The following EIF2AK4 variants were observed in gnomAD, a reference collection of about 807,000 sequenced individuals.
The protein encoded by EIF2AK4 is eIF-2-alpha kinase GCN2.
A neutral mutation model predicts 211.1 loss-of-function variants in EIF2AK4; 139 were observed. That is an observed-to-expected ratio of 0.66 (90% CI 0.57 to 0.76). EIF2AK4 has a LOEUF of 0.76. Among genes scored for constraint, EIF2AK4 ranks in the 30% least tolerant of loss-of-function variants. The pLI, the probability that EIF2AK4 is intolerant of heterozygous loss-of-function variation, is 0.00. For missense variants in EIF2AK4, 1,664 were observed against 2,043.8 expected, an observed-to-expected ratio of 0.81 and a Z score of 3.58; for synonymous variants, 710 against 751.3, an observed-to-expected ratio of 0.94 and a Z score of 0.90.
At chr15:40,000,928 G>C in intron 20 of EIF2AK4, 60 bp from the exon 21 acceptor site, 1 of 1,547,672 alleles carries the variant, frequency 6.5e-7, no homozygotes, top group Non-Finnish European at 8.9e-7. Flanking sequence ...GACTTGTCCG[G>C]AGAATAGCTG....
intron 3 of EIF2AK4, among the ~76,000 whole-genome samples, chr15:39,945,083 T>A (rs1454168676): frequency 6.6e-6 from 1 of 152,214 alleles, no homozygotes; most frequent in Non-Finnish European, 1.5e-5. Context: ...GTGAAGTTAT[T>A]TGGAAAATTC....
At chr15:39,981,956 C>T (rs1279491548) in intron 13 of EIF2AK4, among the ~76,000 whole-genome samples, 1 of 133,638 alleles carries the variant, frequency 7.5e-6, no homozygotes, top group African/African-American at 2.8e-5. Context: ...GACAGAGTCT[C>T]ACTCATCGCC....
chr15:39,976,832 C>T lies in EIF2AK4; in HGVS notation c.2237C>T (p.Ser746Phe). 1 of 1,522,294 alleles carries T rather than the reference C, an allele frequency of 6.6e-7. No homozygotes were observed. The highest frequency in any genetic ancestry group is 8.8e-7 in the Non-Finnish European group (1 of 1,136,668). The allele number at this position is 1,522,294 out of a possible 1,614,324, so 94.3% of individuals were successfully genotyped here. Residue 746 changes from serine (S) to phenylalanine (F), a missense_variant, in exon 12 of 39, where the codon TCC (serine) becomes TTC (phenylalanine). Ser to Phe is a radical substitution (Grantham distance 155). Transcript: ENST00000263791. ...DDEDEHGGVF[S>F]QSFLPASDSE... ...GAGGACGAGCACGGTGGCGTCTTCT[C>T]CCAGTCCTTCCTGTAAGCGCACGGC...
intron 12 of EIF2AK4, chr15:39,977,757 T>G (rs2034721360): frequency 5.6e-6 from 1 of 180,078 alleles, no homozygotes; most frequent in Non-Finnish European, 1.2e-5. Flanking sequence ...TGATCCTAAA[T>G]TTTATGCTTC....
At position 39,976,746 on chromosome 15, in the gene EIF2AK4, C is replaced by T. The variant is rs1015753218; in HGVS notation, c.2151C>T (p.Arg717=). The T allele has an allele frequency of 1.9e-6, 3 of 1,600,000 alleles. No individual in the cohort carries two copies. The African/African-American group carries it at 4.1e-5, about 22-fold the overall frequency. ...SSVEWSTSGE[R]SASARFPATG... is the part of the protein sequence containing the mutation. Reference sequence around the variant, plus strand: ...TGGAGTGGAGCACTTCGGGCGAGCGCTCGGCCAGTGCCCGTTTCCCCGCCA... The same window carrying T: ...TGGAGTGGAGCACTTCGGGCGAGCGTTCGGCCAGTGCCCGTTTCCCCGCCA... The change falls in exon 12 of 39, where the codon CGC becomes CGT. Residue 717 remains arginine, a synonymous_variant. Coordinates refer to ENST00000263791, the MANE Select transcript of EIF2AK4 (RefSeq NM_001013703.4).
chr15:40,013,484 C>A (rs1333639686), intron 27 of EIF2AK4, among the ~76,000 whole-genome samples: 1 of 152,064 alleles, frequency 6.6e-6, no homozygotes, highest in East Asian at 1.9e-4. Flanking sequence ...GGAGGCCTCA[C>A]AATCATGGCA....
At chr15:39,958,009 C>A (rs749775741) in intron 6 of EIF2AK4, among the ~76,000 whole-genome samples, 1 of 152,208 alleles carries the variant, frequency 6.6e-6, no homozygotes, top group African/African-American at 2.4e-5. Flanking sequence ...TGTTGAAGAA[C>A]TTTATTTTCT....
intron 29 of EIF2AK4, 122 bp from the exon 30 acceptor site, chr15:40,018,967 ATTTC>A: frequency 1.4e-6 from 1 of 707,672 alleles, no homozygotes; most frequent in East Asian, 2.8e-5. Flanking sequence ...ACACACACAC[ATTTC>A]TTTTTGTTGA....
intron 4 of EIF2AK4, among the ~76,000 whole-genome samples, chr15:39,953,116 G>C (rs889243093): frequency 6.6e-6 from 1 of 152,156 alleles, no homozygotes; most frequent in Admixed American, 6.5e-5. Context: ...AAAGTGCTGG[G>C]ATTACAGGCA....
intron 32 of EIF2AK4, among the ~76,000 whole-genome samples, chr15:40,023,208 C>CAT (rs1052567532): frequency 3.9e-5 from 6 of 152,182 alleles, no homozygotes; most frequent in Admixed American, 3.9e-4. Context: ...TGCTGATAGG[C>CAT]ATATCCTCTC....
intron 26 of EIF2AK4, among the ~76,000 whole-genome samples, chr15:40,010,186 C>T (rs889402581): frequency 6.6e-6 from 1 of 152,230 alleles, no homozygotes. Flanking sequence ...TCACTTCATT[C>T]TCACACCAGT....
intron 15 of EIF2AK4, among the ~76,000 whole-genome samples, chr15:39,989,688 A>G (rs1206681341): frequency 6.6e-6 from 1 of 152,186 alleles, no homozygotes; most frequent in African/African-American, 2.4e-5. Flanking sequence ...AGAGATCATT[A>G]TTTTCTCTAT....
chr15:39,963,096 A>G (rs1003248864), intron 7 of EIF2AK4, among the ~76,000 whole-genome samples: 1 of 152,214 alleles, frequency 6.6e-6, no homozygotes, highest in Non-Finnish European at 1.5e-5. Flanking sequence ...AAACTTCTCA[A>G]TAATCTATGA....
chr15:40,031,662 T>C (rs1426238918), intron 35 of EIF2AK4, among the ~76,000 whole-genome samples: 1 of 152,124 alleles, frequency 6.6e-6, no homozygotes, highest in Non-Finnish European at 1.5e-5. Context: ...AGATAAGTTA[T>C]AAAAACCTCA....
chr15:39,939,455 G>T, intron 1 of EIF2AK4, 50 bp from the exon 2 acceptor site: 1 of 1,162,732 alleles, frequency 8.6e-7, no homozygotes. Flanking sequence ...AATCATTAAT[G>T]ATTGGCTCTA....
intron 11 of EIF2AK4, 98 bp downstream of exon 11, chr15:39,973,847 G>A (rs2034657684): frequency 1.4e-6 from 2 of 1,414,346 alleles, no homozygotes; most frequent in African/African-American, 1.4e-5. Flanking sequence ...GGAGTGGGGA[G>A]GGAAGTGAAT....
intron 16 of EIF2AK4, 71 bp downstream of exon 16, chr15:39,990,448 C>A (rs965900896): frequency 2.3e-6 from 3 of 1,315,092 alleles, no homozygotes; most frequent in African/African-American, 1.5e-5. Flanking sequence ...GAAGTGTTAG[C>A]GGATAGAATA....
intron 7 of EIF2AK4, 131 bp downstream of exon 7, chr15:39,962,030 T>G (rs2034480056): frequency 1.7e-6 from 1 of 605,822 alleles, no homozygotes; most frequent in East Asian, 2.9e-5. Flanking sequence ...TGGTAGTCAT[T>G]CTGGCTCCCA....
intron 9 of EIF2AK4, among the ~76,000 whole-genome samples, chr15:39,970,486 A>G: frequency 6.6e-6 from 1 of 152,208 alleles, no homozygotes; most frequent in Non-Finnish European, 1.5e-5. Context: ...CAGTAGGAGA[A>G]TGTGTAAATA....
Sources: gnomAD v4.1 joint callset for allele counts (sites outside exome capture counted in the v4.1 genomes callset) on GRCh38, gnomAD v4.1.1 for gene constraint, MANE v1.5 for transcripts, NCBI Gene and HGNC (gene_info 2026-07-23, HGNC 2026-07-21) for gene names.